CACNA1C: variants seen among roughly 807,000 people sequenced by gnomAD.
The protein encoded by CACNA1C is calcium voltage-gated channel subunit alpha1 C.
CACNA1C carries 30 observed loss-of-function variants against 229.0 expected under a neutral mutation model. The ratio of observed to expected loss-of-function variants is 0.13; its 90% CI spans 0.10 to 0.18. The LOEUF (loss-of-function observed/expected upper bound fraction) is 0.18. Ranked by LOEUF, CACNA1C falls within the 10% of genes least tolerant of loss-of-function variation. CACNA1C has a pLI of 1.00. For synonymous variants in CACNA1C, 1,114 were observed against 1,132.5 expected (o/e 0.98, Z 0.33); for missense variants, 1,658 against 2,845.0 (o/e 0.58, Z 9.49).
intron 1 of CACNA1C, among the ~76,000 whole-genome samples, chr12:1,995,806 T>C (rs2154476104): frequency 6.6e-6 from 1 of 152,328 alleles, no homozygotes; most frequent in South Asian, 2.1e-4. Context: ...TACTCACTCC[T>C]TCAGGGAACA....
intron 1 of CACNA1C, among the ~76,000 whole-genome samples, chr12:2,085,480 C>G (rs1299018294): frequency 1.3e-5 from 2 of 152,102 alleles, no homozygotes; most frequent in African/African-American, 4.8e-5. Flanking sequence ...AACTTGGTGC[C>G]ACCAAGTTGG....
At chr12:2,061,369 T>G (rs2057426003) in intron 1 of CACNA1C, among the ~76,000 whole-genome samples, 1 of 152,206 alleles carries the variant, frequency 6.6e-6, no homozygotes, top group African/African-American at 2.4e-5. Context: ...TTATTCAATA[T>G]TTTAAAGGTG....
chr12:2,377,318 A>G (rs1035859966), intron 3 of CACNA1C, among the ~76,000 whole-genome samples: 12 of 152,076 alleles, frequency 7.9e-5, no homozygotes, highest in Admixed American at 3.9e-4. Flanking sequence ...CTAAGAGGTG[A>G]TGTTGTCATG....
chr12:1,996,662 A>AAAT (rs2040989544), intron 1 of CACNA1C, among the ~76,000 whole-genome samples: 1 of 104,034 alleles, frequency 9.6e-6, no homozygotes, highest in African/African-American at 4.1e-5. Flanking sequence ...AAAACAACAA[A>AAAT]CTCTTCTAAT....
intron 29 of CACNA1C, among the ~76,000 whole-genome samples, chr12:2,627,981 G>A (rs970932796): frequency 5.3e-5 from 8 of 152,240 alleles, no homozygotes; most frequent in African/African-American, 1.4e-4. Context: ...AGGAAGGCAG[G>A]CAGGAAGGAA....
At chr12:2,244,959 C>G (rs1477999663) in intron 3 of CACNA1C, among the ~76,000 whole-genome samples, 1 of 152,202 alleles carries the variant, frequency 6.6e-6, no homozygotes, top group African/African-American at 2.4e-5. Context: ...TGTCTGCTCA[C>G]CCTGACATTC....
intron 11 of CACNA1C, among the ~76,000 whole-genome samples, chr12:2,561,057 A>G (rs1371682914): frequency 6.6e-6 from 1 of 152,048 alleles, no homozygotes; most frequent in African/African-American, 2.4e-5. Flanking sequence ...CTTGTCTTCC[A>G]GAGGGAGGTA....
At chr12:2,404,282 T>C (rs910032346) in intron 3 of CACNA1C, among the ~76,000 whole-genome samples, 3 of 152,094 alleles carry the variant, frequency 2.0e-5, no homozygotes, top group Non-Finnish European at 4.4e-5. Context: ...TCACAGTAAC[T>C]AAGAGCGCTC....
intron 9 of CACNA1C, among the ~76,000 whole-genome samples, chr12:2,534,618 A>C (rs1414415467): frequency 1.3e-5 from 2 of 152,056 alleles, no homozygotes; most frequent in African/African-American, 2.4e-5. Flanking sequence ...GCAAATGCTT[A>C]TCCAGGCTTT....
At chr12:2,547,294 T>C (rs1214346711) in intron 9 of CACNA1C, among the ~76,000 whole-genome samples, 1 of 152,224 alleles carries the variant, frequency 6.6e-6, no homozygotes, top group African/African-American at 2.4e-5. Context: ...TATGTTTTGA[T>C]TTATTGAATT....
Position 2,585,227 on chromosome 12 carries a change from G to T in CACNA1C, c.2340-149G>T. On this transcript the variant is annotated intron_variant, in intron 16 of 46. Coordinates refer to ENST00000399655, the MANE Select transcript of CACNA1C (RefSeq NM_000719.7). The surrounding 1 kb of genome is among the most constrained non-coding windows in gnomAD (Gnocchi z 4.1). ...TAGCACTTGTGACTGAGCTGCACAC[G>T]AGAAGCGTCCTGGAGAAAGGAAGAT... 1.5e-6 allele frequency: 1 copy of T among 674,056 alleles called. No individual in the cohort carries two copies. 41.8% of individuals were successfully genotyped at this position (674,056 alleles called of 1,614,324 possible).
In CACNA1C at chr12:2,348,503, T is replaced by A. The variant is rs2097114735; in HGVS notation, c.478-100473T>A. Among the ~76,000 whole-genome samples, 1 of 152,246 alleles carries A rather than the reference T, an allele frequency of 6.6e-6. No homozygotes were observed. Among genetic ancestry groups the A allele is most frequent in the Non-Finnish European group, 1.5e-5 (1 of 68,044 alleles). On this transcript the variant is annotated intron_variant, in intron 3 of 46. Transcript: ENST00000399655. The surrounding 1 kb of genome is among the most constrained non-coding windows in gnomAD (Gnocchi z 4.7). ...TGAGCCACAGCACCTGGTTTAGGGC[T>A]ACAAATAGTCTCCCCGAGGGAATGG...
At position 2,630,407 on chromosome 12, in the gene CACNA1C, T is replaced by G. The variant is rs138197307; in HGVS notation, c.3829-3890T>G. Among the ~76,000 whole-genome samples, 86 of 152,178 alleles carry G rather than the reference T, an allele frequency of 5.7e-4. No homozygotes were observed. Among genetic ancestry groups the G allele is most frequent in the Non-Finnish European group, 1.2e-3 (79 of 68,004 alleles). On this transcript the variant is annotated intron_variant, in intron 29 of 46. Transcript: ENST00000399655. This position sits in a 1 kb window ranked among gnomAD's most constrained non-coding sequence, Gnocchi z 5.4. ...CCGAGAGTGTTGGGAAAAGTATTCC[T>G]CCTAGGACCCAACCACCTGGGGACT...
At position 2,275,455 on chromosome 12, in the gene CACNA1C, GTGACCTA is replaced by G. The variant is rs2087387643; in HGVS notation, c.477+155026_477+155032del. ...AGCTGTACCGCATCGCTCTGTGCAT[GTGACCTA>G]GCTCTCTCCTGGCCCCCTGTTCCAT... is the stretch of plus-strand genomic sequence containing the variant. On this transcript the variant is annotated intron_variant, in intron 3 of 46. Transcript: ENST00000399655. The surrounding 1 kb of genome is among the most constrained non-coding windows in gnomAD (Gnocchi z 4.1). Among the ~76,000 whole-genome samples the G allele has an allele frequency of 6.6e-6, 1 of 152,128 alleles. No homozygotes were observed. The highest frequency in any genetic ancestry group is 1.5e-5 in the Non-Finnish European group (1 of 68,028).
intron 3 of CACNA1C, among the ~76,000 whole-genome samples, chr12:2,308,360 C>T (rs929552231): frequency 5.9e-5 from 9 of 152,016 alleles, no homozygotes; most frequent in Admixed American, 1.3e-4. Flanking sequence ...AATCTTTAAT[C>T]CATTTTGAGT....
Position 2,646,768 on chromosome 12 carries a change from A to AAGAG in CACNA1C, c.3913-1688_3913-1685dup, listed in dbSNP as rs59068153. ...TGCCTGTATGAGAGAGAGAGAGAGA[A>AAGAG]AGAGAGAGAGAGAGAGAGAGAGTGT... On this transcript the variant is annotated intron_variant, in intron 30 of 46. Coordinates refer to ENST00000399655, the MANE Select transcript of CACNA1C (RefSeq NM_000719.7). This position sits in a 1 kb window ranked among gnomAD's most constrained non-coding sequence, Gnocchi z 4.6. Among the ~76,000 whole-genome samples, 326 of 146,572 alleles carry AAGAG rather than the reference A, an allele frequency of 2.2e-3. No homozygotes were observed. The highest frequency in any genetic ancestry group is 7.5e-3 in the East Asian group (37 of 4,966).
rs910864267 is a variant in CACNA1C, at chr12:2,486,838, C to A, written c.916+576C>A. ...GGGGGAGGAGGGCAGGTGGGAATCA[C>A]CCCCTTGCCGGCAGCCAAACTTCCT... On this transcript the variant is annotated intron_variant, in intron 6 of 46. Transcript: ENST00000399655. The surrounding 1 kb of genome is among the most constrained non-coding windows in gnomAD (Gnocchi z 4.9). Among the ~76,000 whole-genome samples the A allele has an allele frequency of 5.3e-5, 8 of 152,186 alleles. No individual in the cohort carries two copies. Among genetic ancestry groups the A allele is most frequent in the Non-Finnish European group, 8.8e-5 (6 of 68,024 alleles).
Position 2,334,546 on chromosome 12 carries a change from C to T in CACNA1C, c.478-114430C>T, listed in dbSNP as rs562476401. On this transcript the variant is annotated intron_variant, in intron 3 of 46. Transcript: ENST00000399655. ...CCAGCCAGGCACGGTGGTTCACGCC[C>T]ATAGTCCCAGTGACTCAGGATGCCA... 3.3e-5 allele frequency among the ~76,000 whole-genome samples: 5 copies of T among 152,268 alleles called. No homozygotes were observed. The South Asian group carries it at 1.0e-3, about 32-fold the overall frequency.
chr12:2,088,656 G>A (rs755833084), intron 1 of CACNA1C, among the ~76,000 whole-genome samples: 9 of 152,092 alleles, frequency 5.9e-5, no homozygotes, highest in Non-Finnish European at 8.8e-5. Flanking sequence ...CCTCAGATGC[G>A]TTCTCCTTGG....
Sources: allele counts gnomAD v4.1 joint callset (sites outside exome capture counted in the v4.1 genomes callset), GRCh38; gene constraint gnomAD v4.1.1; non-coding constraint Gnocchi (gnomAD v3.1); transcripts MANE v1.5; gene names NCBI Gene and HGNC (gene_info 2026-07-23, HGNC 2026-07-21).